NECAB3: variants seen among roughly 807,000 people sequenced by gnomAD.
The protein encoded by NECAB3 is N-terminal EF-hand calcium-binding protein 3.
Under a neutral mutation model 57.2 loss-of-function variants are expected in NECAB3, and 38 were observed. That is an observed-to-expected ratio of 0.66 (90% CI 0.51 to 0.87). The LOEUF is 0.87. Among genes scored for constraint, NECAB3 ranks in the 40% least tolerant of loss-of-function variants. The pLI is 0.00. For synonymous variants in NECAB3, 223 were observed against 222.6 expected (o/e 1.00, Z -0.02); for missense variants, 474 against 527.5 (o/e 0.90, Z 0.99).
rs778131621 is a variant in NECAB3 at position 33,658,764 on chromosome 20, C to G, written c.950G>C (p.Arg317Pro). Residue 317 changes from arginine (R) to proline (P), a missense_variant, in exon 9 of 12, where the codon CGC becomes CCC. By Grantham distance (103) the Arg-to-Pro change is moderately radical (BLOSUM62 -2). Coordinates refer to ENST00000246190, the MANE Select transcript of NECAB3 (RefSeq NM_031232.4). ...EGLQDFHRAL[R>P]CYVDFTGAQS... ...GGCCCCTGTGAAGTCCACATAGCAG[C>G]GCAGGGCTCGGTGGAAGTCCTGCAG... The G allele has an allele frequency of 1.2e-6, 2 of 1,613,568 alleles. No individual in the cohort carries two copies. The highest frequency in any genetic ancestry group is 1.7e-6 in the Non-Finnish European group (2 of 1,179,992).
rs547818488 is a variant in NECAB3, at chr20:33,657,393, G to A, written c.*436C>T. On this transcript the variant is annotated 3_prime_UTR_variant, in exon 12 of 12. Coordinates refer to ENST00000246190, the MANE Select transcript of NECAB3 (RefSeq NM_031232.4). ...CTCGGAGGCAAGGTTTGAGGGTTGG[G>A]GGGTCCCTGAGCATCAGCCCTGCTT... The A allele has an allele frequency of 3.3e-5, 6 of 182,042 alleles. No homozygotes were observed. In the East Asian group the frequency reaches 8.4e-4, roughly 26 times the overall value. 11.3% of individuals were successfully genotyped at this position (182,042 alleles called of 1,614,324 possible). A position where few individuals can be genotyped will look rare whatever the true frequency, so the allele number is the denominator to read the frequency against.
rs776656955 is a variant in NECAB3, at chr20:33,658,512, C to G, written c.1035G>C (p.Leu345=). ...QKMLDGASFT[L]YEFWQDEASW... The stretch of plus-strand genomic sequence containing the variant: ...AGGCCTCATCCTGCCAGAACTCATA[C>G]AGGGTGAAGGAGGCACCGTCCAGCA... The change falls in exon 10 of 12, where the codon CTG becomes CTC. Residue 345 remains leucine, a synonymous_variant. Transcript: ENST00000246190. 1.2e-6 allele frequency: 2 copies of G among 1,614,072 alleles called. No individual in the cohort carries two copies. The highest frequency in any genetic ancestry group is 1.7e-6 in the Non-Finnish European group (2 of 1,179,986).
At chr20:33,669,770 G>A (rs2017788805) in intron 3 of NECAB3, 58 bp from the exon 4 acceptor site, 3 of 1,518,626 alleles carry the variant, frequency 2.0e-6, no homozygotes, top group Non-Finnish European at 2.6e-6. Context: ...GGGACTAATG[G>A]GGCCAATGCC....
intron 5 of NECAB3, chr20:33,663,519 G>T (rs2017548285): frequency 6.2e-7 from 1 of 1,606,490 alleles, no homozygotes; most frequent in African/African-American, 1.3e-5. Flanking sequence ...TCACGCCCCT[G>T]TTCCACCCCC....
intron 8 of NECAB3, among the ~76,000 whole-genome samples, chr20:33,659,040 T>C (rs1461641294): frequency 6.6e-6 from 1 of 152,180 alleles, no homozygotes; most frequent in Non-Finnish European, 1.5e-5. Flanking sequence ...TCCTCCCACC[T>C]TGGCCTCCCA....
At chr20:33,668,522 G>A (rs2017751779) in intron 5 of NECAB3, 2 of 365,144 alleles carry the variant, frequency 5.5e-6, no homozygotes, top group East Asian at 4.4e-5. Flanking sequence ...TTGTGTCCAT[G>A]CCACAGATAT....
chr20:33,673,599 C>T (rs2017877305), intron 1 of NECAB3, among the ~76,000 whole-genome samples: 1 of 151,580 alleles, frequency 6.6e-6, no homozygotes, highest in African/African-American at 2.4e-5. Flanking sequence ...GGGCTGTGGT[C>T]AAGGTGCTGA....
Position 33,658,478 on chromosome 20 carries a change from T to C in NECAB3, c.1069A>G (p.Arg357Gly). The change falls in exon 10 of 12, where the codon AGG (arginine) becomes GGG (glycine). Residue 357 changes from arginine (R) to glycine (G), a missense_variant and splice_region_variant. Transcript: ENST00000246190. ...TAGCGGCCAGACTGGCACTCATACC[T>C]TCTCCAGGAGGCCTCATCCTGCCAG... ...EFWQDEASWR[R>G]HQQSPGSKAF... 5.0e-6 allele frequency: 8 copies of C among 1,613,896 alleles called. No homozygotes were observed. The highest frequency in any genetic ancestry group is 4.0e-5 in the African/African-American group (3 of 75,008).
At chr20:33,672,889 C>T (rs570692044) in intron 1 of NECAB3, among the ~76,000 whole-genome samples, 3 of 152,202 alleles carry the variant, frequency 2.0e-5, no homozygotes, top group Non-Finnish European at 4.4e-5. Context: ...GAGCTGTTTC[C>T]TTGCGTGCTG....
Position 33,657,965 on chromosome 20 carries a change from G to A in NECAB3, c.1139C>T (p.Thr380Ile). The change falls in exon 11 of 12, where the codon ACC (threonine) becomes ATC (isoleucine). Residue 380 changes from threonine to isoleucine, a missense_variant. By Grantham distance (89) the Thr-to-Ile change is moderately conservative. Coordinates refer to ENST00000246190, the MANE Select transcript of NECAB3 (RefSeq NM_031232.4). Reference sequence around the variant, plus strand: ...ACCTGGGAAGAACACAGTGGTGAGGGTGTCCGGGGCCCGCAGGTGGTCGAT... The same window carrying A: ...ACCTGGGAAGAACACAGTGGTGAGGATGTCCGGGGCCCGCAGGTGGTCGAT... ...ILIDHLRAPD[T>I]LTTVFFPASW... 6.4e-7 allele frequency: 1 copy of A among 1,557,760 alleles called. No individual in the cohort carries two copies. Among genetic ancestry groups the A allele is most frequent in the Non-Finnish European group, 8.7e-7 (1 of 1,150,582 alleles).
intron 5 of NECAB3, chr20:33,666,681 T>A (rs1190927816): frequency 6.6e-6 from 1 of 152,308 alleles, no homozygotes; most frequent in Non-Finnish European, 1.5e-5. Context: ...CAGCAAGGGC[T>A]GACGGGGCGG....
chr20:33,663,368 T>A, intron 5 of NECAB3: 1 of 700,418 alleles, frequency 1.4e-6, no homozygotes, highest in Non-Finnish European at 2.2e-6. Context: ...GCGGCCTGAA[T>A]TGGACAGGGG....
At chr20:33,669,581 A>G (rs2017782763) in intron 4 of NECAB3, 106 bp downstream of exon 4, 1 of 1,540,934 alleles carries the variant, frequency 6.5e-7, no homozygotes, top group Non-Finnish European at 8.8e-7. Flanking sequence ...TTATATCCTG[A>G]GCCCAGCCCA....
intron 1 of NECAB3, among the ~76,000 whole-genome samples, chr20:33,673,668 G>T (rs1338072093): frequency 6.6e-6 from 1 of 152,172 alleles, no homozygotes; most frequent in Admixed American, 6.5e-5. Context: ...TGGAGTTGGG[G>T]CATGAGGGGG....
Position 33,660,568 on chromosome 20 carries a change from C to G in NECAB3, c.388-173G>C, listed in dbSNP as rs572296234. ...CTGATGGGCAGGGAGGGTCTGGATC[C>G]CTCCTTGTCCGGGACTGGCCTCCCT... is the stretch of plus-strand genomic sequence containing the variant. On this transcript the variant is annotated intron_variant, in intron 5 of 11. Coordinates refer to ENST00000246190, the MANE Select transcript of NECAB3 (RefSeq NM_031232.4). This position sits in a 1 kb window ranked among gnomAD's most constrained non-coding sequence, Gnocchi z 4.1. 6.6e-6 allele frequency among the ~76,000 whole-genome samples: 1 copy of G among 152,252 alleles called. No homozygotes were observed. The highest frequency in any genetic ancestry group is 2.4e-5 in the African/African-American group (1 of 41,554).
At chr20:33,658,117 C>T in intron 10 of NECAB3, 84 bp from the exon 11 acceptor site, 2 of 1,251,606 alleles carry the variant, frequency 1.6e-6, no homozygotes, top group East Asian at 2.5e-5. Flanking sequence ...GCCCTTCTCA[C>T]ACTGCCTCTG....
In NECAB3 at chr20:33,674,338, C is replaced by A; in HGVS notation, c.15G>T (p.Gly5=). 1.7e-6 allele frequency: 2 copies of A among 1,204,022 alleles called. No individual in the cohort carries two copies. Among genetic ancestry groups the A allele is most frequent in the Non-Finnish European group, 2.1e-6 (2 of 969,934 alleles). 74.6% of individuals were successfully genotyped at this position (1,204,022 alleles called of 1,614,324 possible). A position where few individuals can be genotyped will look rare whatever the true frequency, so the allele number is the denominator to read the frequency against. MACA[G]LLTVCLLRPP... is the part of the protein sequence containing the mutation. ...GCCGGAGCAGGCACACGGTGAGCAG[C>A]CCCGCGCACGCCATGGCGCCGCCAC... is the stretch of plus-strand genomic sequence containing the variant. The change falls in exon 1 of 12, where the codon GGG becomes GGT. Residue 5 remains glycine, a synonymous_variant. Transcript: ENST00000246190.
chr20:33,674,199 G>A, intron 1 of NECAB3, 25 bp downstream of exon 1: 1 of 1,256,498 alleles, frequency 8.0e-7, no homozygotes, highest in Middle Eastern at 2.1e-4. Context: ...GGGAGACACC[G>A]CGAGCAGAGC....
At chr20:33,667,644 C>CA (rs1432789068) in intron 5 of NECAB3, 4 of 1,607,046 alleles carry the variant, frequency 2.5e-6, no homozygotes, top group Non-Finnish European at 3.4e-6. Flanking sequence ...ACGTGGCAGG[C>CA]AGCACCCTGT....
Sources: gnomAD v4.1 joint callset for allele counts (sites outside exome capture counted in the v4.1 genomes callset) on GRCh38, gnomAD v4.1.1 for gene constraint, Gnocchi (gnomAD v3.1) non-coding constraint, MANE v1.5 for transcripts, NCBI Gene and HGNC (gene_info 2026-07-23, HGNC 2026-07-21) for gene names.